Variants in NEK11 observed in about 807,000 individuals in gnomAD.
NEK11 encodes serine/threonine-protein kinase Nek11.
In NEK11, 72 loss-of-function variants were observed where a neutral mutation model predicts 80.7. The observed-to-expected ratio is 0.89, with a 90% confidence interval of 0.74 to 1.08. The LOEUF is 1.08. NEK11 is among the 50% of genes least tolerant of loss of function. The pLI, the probability that NEK11 is intolerant of heterozygous loss-of-function variation, is 0.00. For synonymous variants in NEK11, 251 were observed against 260.7 expected, an observed-to-expected ratio of 0.96 and a Z score of 0.36; for missense variants, 764 against 763.6, an observed-to-expected ratio of 1.00 and a Z score of -0.01.
chr3:131,276,792 A>G (rs2096300478), intron 17 of NEK11, among the ~76,000 whole-genome samples: 1 of 152,200 alleles, frequency 6.6e-6, no homozygotes. Flanking sequence ...ATCAGTACAT[A>G]CTATTATTTA....
At chr3:131,180,468 G>C (rs1009937338) in intron 14 of NEK11, among the ~76,000 whole-genome samples, 5 of 151,818 alleles carry the variant, frequency 3.3e-5, no homozygotes, top group African/African-American at 4.8e-5. Flanking sequence ...TATAAAATAG[G>C]CTTATTTCTT....
chr3:131,109,975 A>T lies in NEK11; in HGVS notation c.455+54A>T. ...GATATATTTTTAACAGTCATGTTTG[A>T]ACTTGAAAAGTGAATTTTTTTTCTA... is the stretch of plus-strand genomic sequence containing the variant. On this transcript the variant is annotated intron_variant, in intron 5 of 17. Coordinates refer to ENST00000383366, the MANE Select transcript of NEK11 (RefSeq NM_024800.5). 2.6e-6 allele frequency: 4 copies of T among 1,528,614 alleles called. No homozygotes were observed. The Admixed American group carries it at 1.0e-4, about 38-fold the overall frequency. The allele number at this position is 1,528,614 out of a possible 1,614,324, so 94.7% of individuals were successfully genotyped here.
In NEK11 at chr3:131,274,062, C is replaced by T. The variant is rs570489055; in HGVS notation, c.1718+488C>T. ...CATGCTGGTGCGCTGCACCCACTAA[C>T]TCATCGTCTAGCATTAGGTATATCT... On this transcript the variant is annotated intron_variant, in intron 17 of 17. Coordinates refer to ENST00000383366, the MANE Select transcript of NEK11 (RefSeq NM_024800.5). 8.7e-4 allele frequency among the ~76,000 whole-genome samples: 131 copies of T among 150,658 alleles called. 1 individual carries two copies. Among genetic ancestry groups the T allele is most frequent in the African/African-American group, 3.1e-3 (128 of 40,950 alleles).
intron 14 of NEK11, among the ~76,000 whole-genome samples, chr3:131,186,709 A>G (rs767247438): frequency 1.4e-4 from 22 of 152,314 alleles, no homozygotes; most frequent in Non-Finnish European, 2.9e-4. Flanking sequence ...GGACCAGAAT[A>G]TGTATCCATT....
chr3:131,335,486 C>T (rs1213393572), intron 17 of NEK11, among the ~76,000 whole-genome samples: 1 of 152,162 alleles, frequency 6.6e-6, no homozygotes, highest in African/African-American at 2.4e-5. Context: ...TAAGAGCTAT[C>T]TATGACAAAC....
chr3:131,349,130 T>G (rs983961542), intron 17 of NEK11, among the ~76,000 whole-genome samples: 4 of 152,186 alleles, frequency 2.6e-5, no homozygotes, highest in African/African-American at 7.2e-5. Context: ...TCCTGAGAGC[T>G]TTTGCTCAAA....
At chr3:131,185,759 C>T (rs2150220897) in intron 14 of NEK11, among the ~76,000 whole-genome samples, 1 of 152,232 alleles carries the variant, frequency 6.6e-6, no homozygotes, top group East Asian at 1.9e-4. Flanking sequence ...CTTAAAGTAA[C>T]TGTACCTCCA....
intron 14 of NEK11, among the ~76,000 whole-genome samples, chr3:131,227,390 A>G (rs982387769): frequency 1.3e-5 from 2 of 152,188 alleles, no homozygotes; most frequent in Non-Finnish European, 2.9e-5. Context: ...CGATGCTTTC[A>G]TGAGAATTCT....
intron 4 of NEK11, chr3:131,087,904 T>C (rs767770818): frequency 3.3e-5 from 5 of 152,268 alleles, no homozygotes; most frequent in African/African-American, 7.2e-5. Flanking sequence ...CCCCCCAGAA[T>C]TGGTTATTTA....
At chr3:131,317,575 G>A (rs1176693097) in intron 17 of NEK11, among the ~76,000 whole-genome samples, 2 of 151,626 alleles carry the variant, frequency 1.3e-5, no homozygotes, top group African/African-American at 2.4e-5. Context: ...ATGAGGAGCC[G>A]CAGTATCACT....
intron 11 of NEK11, 36 bp from the exon 12 acceptor site, chr3:131,165,390 C>A: frequency 7.9e-7 from 1 of 1,266,864 alleles, no homozygotes; most frequent in South Asian, 1.2e-5. Context: ...TTTAGCAATT[C>A]GCAGTTATTT....
intron 3 of NEK11, among the ~76,000 whole-genome samples, chr3:131,070,506 G>A (rs1277601894): frequency 6.6e-6 from 1 of 152,128 alleles, no homozygotes; most frequent in Non-Finnish European, 1.5e-5. Flanking sequence ...GCTATAATTG[G>A]CAATATTCCT....
At chr3:131,065,176 T>C (rs1258936364) in intron 3 of NEK11, among the ~76,000 whole-genome samples, 2 of 152,208 alleles carry the variant, frequency 1.3e-5, no homozygotes, top group African/African-American at 4.8e-5. Context: ...CTCCTGCATT[T>C]ATATCTCAGT....
chr3:131,036,546 G>T (rs2065677197), intron 3 of NEK11, among the ~76,000 whole-genome samples: 1 of 152,140 alleles, frequency 6.6e-6, no homozygotes, highest in Non-Finnish European at 1.5e-5. Context: ...GAAAAATCTT[G>T]GTTCTTGTGA....
At chr3:131,168,491 G>A (rs2150030797) in intron 12 of NEK11, among the ~76,000 whole-genome samples, 1 of 150,346 alleles carries the variant, frequency 6.7e-6, no homozygotes, top group African/African-American at 2.4e-5. Flanking sequence ...CAAGTAGCTG[G>A]GACTACAGGC....
intron 7 of NEK11, among the ~76,000 whole-genome samples, chr3:131,138,762 T>C (rs1361586320): frequency 6.6e-6 from 1 of 152,178 alleles, no homozygotes; most frequent in Non-Finnish European, 1.5e-5. Flanking sequence ...TTATTCTGCA[T>C]GTTATCTAAG....
chr3:131,300,327 G>A (rs759883909), intron 17 of NEK11, among the ~76,000 whole-genome samples: 6 of 152,074 alleles, frequency 3.9e-5, no homozygotes, highest in Admixed American at 6.5e-5. Context: ...CATTCTGTAG[G>A]CTGTTTGTTT....
chr3:131,309,121 G>A (rs575804493), intron 17 of NEK11, among the ~76,000 whole-genome samples: 16 of 152,290 alleles, frequency 1.1e-4, no homozygotes, highest in African/African-American at 3.9e-4. Context: ...TAAGGGTTGG[G>A]GACCCCTGCT....
chr3:131,228,662 C>T lies in NEK11; in HGVS notation c.1534C>T (p.Gln512Ter). The T allele has an allele frequency of 1.2e-6, 2 of 1,613,192 alleles. No homozygotes were observed. Among genetic ancestry groups the T allele is most frequent in the South Asian group, 1.1e-5 (1 of 90,998 alleles). The change falls in exon 15 of 18, where the codon CAG (glutamine) becomes TAG (stop). Residue 512 changes from glutamine (Q) to a stop codon, truncating the protein, a stop_gained. Coordinates refer to ENST00000383366, the MANE Select transcript of NEK11 (RefSeq NM_024800.5). LOFTEE classifies it high-confidence loss of function. ...PEKEIRNEGS[Q>*]PAYRTNQQDS... The stretch of plus-strand genomic sequence containing the variant: ...GAAAGAAATCAGGAATGAGGGATCC[C>T]AGCCTGCTTACAGAACAAACCAACA...
Sources: gnomAD v4.1 joint callset for allele counts (sites outside exome capture counted in the v4.1 genomes callset) on GRCh38, gnomAD v4.1.1 for gene constraint, MANE v1.5 for transcripts, NCBI Gene and HGNC (gene_info 2026-07-23, HGNC 2026-07-21) for gene names.